Variants in POLDIP2 observed in about 807,000 individuals in gnomAD.
POLDIP2 encodes the protein polymerase delta-interacting protein 2.
Under a neutral mutation model 52.9 loss-of-function variants are expected in POLDIP2, and 32 were observed. The observed-to-expected ratio is 0.61, with a 90% confidence interval of 0.46 to 0.81. The LOEUF (loss-of-function observed/expected upper bound fraction) is 0.81. POLDIP2 is among the 40% of genes least tolerant of loss of function. The pLI, the probability that POLDIP2 is intolerant of heterozygous loss-of-function variation, is 0.00. For synonymous variants in POLDIP2, 183 were observed against 183.0 expected (o/e 1.00, Z 0.00); for missense variants, 371 against 477.3 (o/e 0.78, Z 2.07).
At chr17:28,348,932 C>T in intron 10 of POLDIP2, 151 bp downstream of exon 10, 1 of 557,742 alleles carries the variant, frequency 1.8e-6, no homozygotes, top group Non-Finnish European at 3.2e-6. Context: ...GAAAATCAGA[C>T]AAGTCCCACA....
intron 2 of POLDIP2, among the ~76,000 whole-genome samples, chr17:28,355,117 G>A (rs901872769): frequency 4.6e-5 from 7 of 152,124 alleles, no homozygotes; most frequent in Admixed American, 2.0e-4. Context: ...ATTTTATTAC[G>A]GCAAAGCATC....
At position 28,349,138 on chromosome 17, in the gene POLDIP2, G is replaced by A. The variant is rs1555579452; in HGVS notation, c.937C>T (p.Pro313Ser). 4 of 1,613,234 alleles carry A rather than the reference G, an allele frequency of 2.5e-6. No homozygotes were observed. The highest frequency in any genetic ancestry group is 3.4e-6 in the Non-Finnish European group (4 of 1,179,572). The change falls in exon 10 of 11, where the codon CCT (proline) becomes TCT (serine). Residue 313 changes from proline to serine, a missense_variant. By Grantham distance (74) the Pro-to-Ser change is moderately conservative. Coordinates refer to ENST00000540200, the MANE Select transcript of POLDIP2 (RefSeq NM_015584.5). ...GREPVLSKEQ[P>S]AFQYSSHVSL... is the part of the protein sequence containing the mutation. ...ACGTGGCTGCTATACTGGAACGCAG[G>A]CTGCTCCTTGGATAACACTGGTTCC...
intron 4 of POLDIP2, 106 bp downstream of exon 4, chr17:28,353,589 A>C (rs1907904445): frequency 2.6e-6 from 2 of 769,988 alleles, no homozygotes; most frequent in Non-Finnish European, 4.6e-6. Context: ...TTGGGGACCA[A>C]GACTGACCTG....
In POLDIP2 at chr17:28,355,800, C is replaced by G; in HGVS notation, c.238G>C (p.Gly80Arg). 6.2e-7 allele frequency: 1 copy of G among 1,610,694 alleles called. No individual in the cohort carries two copies. Among genetic ancestry groups the G allele is most frequent in the Non-Finnish European group, 8.5e-7 (1 of 1,178,052 alleles). ...VPKQNGKYET[G>R]QLFLHSIFGY... ...TGACCCAGCCCAATACTCACCTGCC[C>G]GGTCTCATATTTTCCATTCTGTTTT... is the stretch of plus-strand genomic sequence containing the variant. Residue 80 changes from glycine to arginine, a missense_variant, in exon 2 of 11, where the codon GGG becomes CGG. Physicochemically the swap from Gly to Arg is moderately radical, Grantham distance 125. Transcript: ENST00000540200.
intron 3 of POLDIP2, 110 bp from the exon 4 acceptor site, chr17:28,353,901 G>A: frequency 1.3e-6 from 1 of 743,432 alleles, no homozygotes; most frequent in East Asian, 2.6e-5. Flanking sequence ...GATCTAAAGG[G>A]GCTTTAGCAC....
At chr17:28,353,140 C>G (rs1907873567) in intron 5 of POLDIP2, 101 bp downstream of exon 5, 1 of 757,282 alleles carries the variant, frequency 1.3e-6, no homozygotes. Flanking sequence ...TACCTCTCAG[C>G]ATCATAATCC....
intron 1 of POLDIP2, 151 bp downstream of exon 1, chr17:28,357,137 C>CA: frequency 1.4e-6 from 1 of 724,744 alleles, no homozygotes; most frequent in Non-Finnish European, 2.1e-6. Context: ...ATGTCCCAGA[C>CA]AGCGCAGGTC....
intron 7 of POLDIP2, among the ~76,000 whole-genome samples, chr17:28,351,360 T>A (rs56720088): frequency 6.6e-6 from 1 of 152,198 alleles, no homozygotes; most frequent in Non-Finnish European, 1.5e-5. Context: ...AAAAGTGTTA[T>A]GCCTACACTG....
At chr17:28,353,934 C>T (rs1907920926) in intron 3 of POLDIP2, 143 bp from the exon 4 acceptor site, 3 of 648,112 alleles carry the variant, frequency 4.6e-6, no homozygotes, top group Non-Finnish European at 8.4e-6. Context: ...TGCTCTGCAG[C>T]ACCTCAGCTC....
intron 6 of POLDIP2, 57 bp from the exon 7 acceptor site, chr17:28,351,857 A>C: frequency 6.6e-7 from 1 of 1,514,128 alleles, no homozygotes; most frequent in South Asian, 1.1e-5. Context: ...AATTGTATCT[A>C]GTCCAATCAC....
chr17:28,352,985 G>T lies in POLDIP2; in HGVS notation c.549C>A (p.Pro183=). 3 of 1,348,592 alleles carry T rather than the reference G, an allele frequency of 2.2e-6. No homozygotes were observed. The highest frequency in any genetic ancestry group is 1.2e-5 in the South Asian group (1 of 85,702). 83.5% of individuals were successfully genotyped at this position (1,348,592 alleles called of 1,614,324 possible). Residue 183 remains proline, a synonymous_variant, in exon 6 of 11, where the codon CCC becomes CCA. Coordinates refer to ENST00000540200, the MANE Select transcript of POLDIP2 (RefSeq NM_015584.5). ...LDYVSHEDIL[P]YTSTDQVPIQ... Reference sequence around the variant, plus strand: ...TGGGAACCTGATCAGTGGAGGTGTAGGGGAGGATGTCTTCATGGCTGACAT... The same window carrying T: ...TGGGAACCTGATCAGTGGAGGTGTATGGGAGGATGTCTTCATGGCTGACAT...
Position 28,350,744 on chromosome 17 carries a change from T to C in POLDIP2, c.786+22A>G, listed in dbSNP as rs1555579820. On this transcript the variant is annotated intron_variant, in intron 8 of 10. Coordinates refer to ENST00000540200, the MANE Select transcript of POLDIP2 (RefSeq NM_015584.5). Reference sequence around the variant, plus strand: ...CCAGGCACACCCCACAAGCTCCCCTTCTCCCAGACAGTGACACTCACCCAG... The same window carrying C: ...CCAGGCACACCCCACAAGCTCCCCTCCTCCCAGACAGTGACACTCACCCAG... 5.0e-6 allele frequency: 8 copies of C among 1,596,370 alleles called. No homozygotes were observed. In the Admixed American group the frequency reaches 8.7e-5, roughly 17 times the overall value.
chr17:28,351,311 G>C (rs994294914), intron 7 of POLDIP2, among the ~76,000 whole-genome samples: 1 of 152,230 alleles, frequency 6.6e-6, no homozygotes, highest in Non-Finnish European at 1.5e-5. Context: ...CACTGCACAT[G>C]CTTACAGCCA....
Position 28,346,867 on chromosome 17 carries a change from A to G in POLDIP2, c.*1250T>C, listed in dbSNP as rs3093709. ...AGTATTGGGTTTTATTGAATTTGGT[A>G]TGTGACCAAGGTCGGCCTAAAGGAT... is the stretch of plus-strand genomic sequence containing the variant. On this transcript the variant is annotated 3_prime_UTR_variant, in exon 11 of 11. Coordinates refer to ENST00000540200, the MANE Select transcript of POLDIP2 (RefSeq NM_015584.5). 7.1e-4 allele frequency: 108 copies of G among 152,352 alleles called. No individual in the cohort carries two copies. The highest frequency in any genetic ancestry group is 2.2e-3 in the African/African-American group (92 of 41,578). 9.4% of individuals were successfully genotyped at this position (152,352 alleles called of 1,614,324 possible). A position where few individuals can be genotyped will look rare whatever the true frequency, so the allele number is the denominator to read the frequency against.
rs79183819 is a variant in POLDIP2, at chr17:28,353,803, G to C, written c.342-12C>G. The C allele has an allele frequency of 1.8e-3, 2,805 of 1,583,662 alleles. 44 individuals are homozygous for C. In the African/African-American group the frequency reaches 0.034, roughly 19 times the overall value. ...CAGGGTTCTCTGCTCTATGGGGTGG[G>C]AGAAGGAGGCCAAGATCACCCCAGG... On this transcript the variant is annotated splice_polypyrimidine_tract_variant and intron_variant, in intron 3 of 10. Transcript: ENST00000540200.
At position 28,353,675 on chromosome 17, in the gene POLDIP2, C is replaced by G. The variant is rs371044724; in HGVS notation, c.438+20G>C. ...TTTCCATGGAGAGGACCCCCAAGCC[C>G]AGCCATCTTGCTTACTTACTATATG... is the stretch of plus-strand genomic sequence containing the variant. On this transcript the variant is annotated intron_variant, in intron 4 of 10. Coordinates refer to ENST00000540200, the MANE Select transcript of POLDIP2 (RefSeq NM_015584.5). 1.3e-5 allele frequency: 20 copies of G among 1,557,184 alleles called. No homozygotes were observed. Among genetic ancestry groups the G allele is most frequent in the African/African-American group, 1.4e-5 (1 of 73,714 alleles).
intron 3 of POLDIP2, 107 bp from the exon 4 acceptor site, chr17:28,353,898 AG>A (rs1907919170): frequency 1.3e-6 from 1 of 758,714 alleles, no homozygotes; most frequent in Admixed American, 1.8e-5. Flanking sequence ...TCTGATCTAA[AG>A]GGGCTTTAGC....
rs781826694 is a variant in POLDIP2 at position 28,357,415 on chromosome 17, C to T, written c.34G>A (p.Val12Met). The change falls in exon 1 of 11, where the codon GTG (valine) becomes ATG (methionine). Residue 12 changes from valine to methionine, a missense_variant. By Grantham distance (21) the Val-to-Met change is conservative. Coordinates refer to ENST00000540200, the MANE Select transcript of POLDIP2 (RefSeq NM_015584.5). ...GACCGGGACCACCAGCGGCTGCCCA[C>T]GGCCAGGGCCCGCCGGGCTGTACAG... ...AACTARRALA[V>M]GSRWWSRSLT... The T allele has an allele frequency of 2.7e-6, 4 of 1,504,712 alleles. No individual in the cohort carries two copies. Among genetic ancestry groups the T allele is most frequent in the Non-Finnish European group, 3.5e-6 (4 of 1,136,128 alleles). 93.2% of individuals were successfully genotyped at this position (1,504,712 alleles called of 1,614,324 possible). A position where few individuals can be genotyped will look rare whatever the true frequency, so the allele number is the denominator to read the frequency against.
At chr17:28,350,880 C>A in intron 7 of POLDIP2, 88 bp from the exon 8 acceptor site, 2 of 1,137,264 alleles carry the variant, frequency 1.8e-6, no homozygotes, top group South Asian at 1.3e-5. Flanking sequence ...TTGATGTATT[C>A]CAGGAAGGTT....
Sources: gnomAD v4.1 joint callset for allele counts (sites outside exome capture counted in the v4.1 genomes callset) on GRCh38, gnomAD v4.1.1 for gene constraint, MANE v1.5 for transcripts, NCBI Gene and HGNC (gene_info 2026-07-23, HGNC 2026-07-21) for gene names.